The following ENTREP2 variants were observed in gnomAD, a reference collection of about 807,000 sequenced individuals.
The protein encoded by ENTREP2 is endosomal transmembrane epsin interactor 2.
At chr15:29,273,262 G>T in the ENTREP2 span, among the ~76,000 whole-genome samples, 1 of 146,596 alleles carries the variant, frequency 6.8e-6, no homozygotes, top group Non-Finnish European at 1.5e-5. Context: ...GCAGTGTCAC[G>T]ATCTTGGCTC....
At chr15:29,309,200 A>G in the ENTREP2 span, among the ~76,000 whole-genome samples, 1 of 152,210 alleles carries the variant, frequency 6.6e-6, no homozygotes, top group Non-Finnish European at 1.5e-5. Context: ...TAACACAAAA[A>G]TATACTCAGA....
At chr15:29,612,498 GAA>G in the ENTREP2 span, 51 of 136,016 alleles carry the variant, frequency 3.7e-4, no homozygotes, top group African/African-American at 1.1e-3. Context: ...TACCAGCAGA[GAA>G]AAAAAAAAAA....
chr15:29,352,434 T>G, the ENTREP2 span, among the ~76,000 whole-genome samples: 1 of 152,204 alleles, frequency 6.6e-6, no homozygotes, highest in African/African-American at 2.4e-5. Flanking sequence ...GTTTTATTGT[T>G]TTTGACAGTT....
At chr15:29,446,236 A>T in the ENTREP2 span, among the ~76,000 whole-genome samples, 1 of 152,118 alleles carries the variant, frequency 6.6e-6, no homozygotes, top group East Asian at 1.9e-4. Flanking sequence ...TAAGCTACCG[A>T]CTCTAAGGCA....
the ENTREP2 span, among the ~76,000 whole-genome samples, chr15:29,410,145 G>GA: frequency 5.9e-5 from 9 of 152,272 alleles, no homozygotes; most frequent in African/African-American, 2.2e-4. Flanking sequence ...TTGCTTTGCT[G>GA]AAAATAAGGT....
the ENTREP2 span, among the ~76,000 whole-genome samples, chr15:29,171,866 CA>C: frequency 6.6e-6 from 1 of 152,192 alleles, no homozygotes; most frequent in African/African-American, 2.4e-5. Flanking sequence ...AATCTTTTTT[CA>C]TGAGTTAAAA....
At chr15:29,202,374 A>G in the ENTREP2 span, among the ~76,000 whole-genome samples, 2 of 151,980 alleles carry the variant, frequency 1.3e-5, no homozygotes, top group Non-Finnish European at 2.9e-5. Flanking sequence ...AAATAATTCT[A>G]TATTACATAT....
the ENTREP2 span, among the ~76,000 whole-genome samples, chr15:29,139,740 C>T: frequency 6.6e-6 from 1 of 152,206 alleles, no homozygotes; most frequent in Non-Finnish European, 1.5e-5. Flanking sequence ...TTGGCCCCAC[C>T]TTCCTGGACC....
chr15:29,490,001 A>G, the ENTREP2 span, among the ~76,000 whole-genome samples: 2 of 152,240 alleles, frequency 1.3e-5, no homozygotes, highest in South Asian at 2.1e-4. Context: ...ATAAAATTCA[A>G]TAATTCTATT....
chr15:29,595,952 C>A, the ENTREP2 span, among the ~76,000 whole-genome samples: 8 of 151,976 alleles, frequency 5.3e-5, no homozygotes, highest in Admixed American at 6.6e-5. Flanking sequence ...AAAGATGCTC[C>A]CGGCTTATCC....
the ENTREP2 span, among the ~76,000 whole-genome samples, chr15:29,429,014 C>T: frequency 3.9e-5 from 6 of 152,180 alleles, no homozygotes; most frequent in African/African-American, 1.4e-4. Context: ...TTTACATTAG[C>T]TGTCAAAATG....
chr15:29,214,189 G>T, the ENTREP2 span, among the ~76,000 whole-genome samples: 21 of 152,258 alleles, frequency 1.4e-4, no homozygotes, highest in African/African-American at 4.8e-4. Flanking sequence ...CCATTACTGG[G>T]TATATACCCA....
At chr15:29,417,675 ATCTACG>A in the ENTREP2 span, among the ~76,000 whole-genome samples, 1 of 151,702 alleles carries the variant, frequency 6.6e-6, no homozygotes, top group South Asian at 2.1e-4. Context: ...AATAATAATA[ATCTACG>A]TAAAAAAAGA....
At chr15:29,673,230 G>A in the ENTREP2 span, among the ~76,000 whole-genome samples, 1 of 152,088 alleles carries the variant, frequency 6.6e-6, no homozygotes, top group Admixed American at 6.6e-5. Context: ...TGGTTTTGGT[G>A]GGTTTTGGCC....
At chr15:29,501,247 C>T in the ENTREP2 span, among the ~76,000 whole-genome samples, 3 of 149,034 alleles carry the variant, frequency 2.0e-5, no homozygotes, top group Non-Finnish European at 3.0e-5. Flanking sequence ...GATCAATAAC[C>T]GTTGTGACTA....
At chr15:29,647,787 A>G in the ENTREP2 span, among the ~76,000 whole-genome samples, 3 of 152,300 alleles carry the variant, frequency 2.0e-5, no homozygotes, top group African/African-American at 7.2e-5. Context: ...TCCACCTTTT[A>G]AAGGAGCAAG....
chr15:29,150,064 A>G, the ENTREP2 span, among the ~76,000 whole-genome samples: 1 of 152,322 alleles, frequency 6.6e-6, no homozygotes, highest in South Asian at 2.1e-4. Flanking sequence ...CGTCCCAGTG[A>G]CAGACTGATA....
At chr15:29,632,038 G>A in the ENTREP2 span, among the ~76,000 whole-genome samples, 1 of 152,222 alleles carries the variant, frequency 6.6e-6, no homozygotes, top group South Asian at 2.1e-4. Flanking sequence ...CCTGTGGGCT[G>A]CCCATTTCCC....
At chr15:29,335,097 C>T in the ENTREP2 span, among the ~76,000 whole-genome samples, 1 of 152,176 alleles carries the variant, frequency 6.6e-6, no homozygotes, top group African/African-American at 2.4e-5. Context: ...GTTCTAGTCA[C>T]TGGTCTGTCT....
Sources: gnomAD v4.1 joint callset for allele counts (sites outside exome capture counted in the v4.1 genomes callset) on GRCh38, gnomAD v4.1.1 for gene constraint, MANE v1.5 for transcripts, NCBI Gene and HGNC (gene_info 2026-07-23, HGNC 2026-07-21) for gene names.